Variants in RIC1 observed in about 807,000 individuals in gnomAD.
RIC1 encodes guanine nucleotide exchange factor subunit RIC1.
A neutral mutation model predicts 169.0 loss-of-function variants in RIC1; 88 were observed. That is an observed-to-expected ratio of 0.52 (90% CI 0.44 to 0.62). The LOEUF (loss-of-function observed/expected upper bound fraction) is 0.62. Among genes scored for constraint, RIC1 ranks in the 20% least tolerant of loss-of-function variants. The pLI is 0.00. For synonymous variants in RIC1, 790 were observed against 601.5 expected, an observed-to-expected ratio of 1.31 and a Z score of -4.59; for missense variants, 1,877 against 1,725.5, an observed-to-expected ratio of 1.09 and a Z score of -1.56.
At chr9:5,640,411 C>T (rs368683845) in intron 1 of RIC1, among the ~76,000 whole-genome samples, 21 of 152,152 alleles carry the variant, frequency 1.4e-4, no homozygotes, top group African/African-American at 4.1e-4. Flanking sequence ...TACACTTTAA[C>T]TTCATCCCTC....
At chr9:5,674,284 C>G (rs1236004843) in intron 2 of RIC1, among the ~76,000 whole-genome samples, 4 of 151,964 alleles carry the variant, frequency 2.6e-5, no homozygotes, top group Non-Finnish European at 4.4e-5. Flanking sequence ...AACAAAAATT[C>G]ATTTATGATC....
intron 17 of RIC1, among the ~76,000 whole-genome samples, chr9:5,761,786 A>C (rs956688160): frequency 6.6e-6 from 1 of 152,202 alleles, no homozygotes; most frequent in African/African-American, 2.4e-5. Flanking sequence ...TCAAAGTTTA[A>C]TGTGCATAAT....
At chr9:5,745,141 A>G (rs1449241141) in intron 10 of RIC1, among the ~76,000 whole-genome samples, 1 of 152,202 alleles carries the variant, frequency 6.6e-6, no homozygotes, top group Non-Finnish European at 1.5e-5. Flanking sequence ...CCGTCTCACT[A>G]AGTTGATATT....
intron 3 of RIC1, among the ~76,000 whole-genome samples, chr9:5,696,342 C>T (rs184400288): frequency 6.3e-4 from 96 of 152,180 alleles, no homozygotes; most frequent in Admixed American, 5.2e-3. Context: ...CACATCGAAC[C>T]CACAATTCCT....
In RIC1 at chr9:5,763,216, A is replaced by C; in HGVS notation, c.2189A>C (p.Lys730Thr). ...ACAACGTGTCGAGCAAATAAACAGA[A>C]ACGTCACCTTCTGGAGGCCCTCTGG... ...VWTTCRANKQ[K>T]RHLLEALWLS... Residue 730 changes from lysine (K) to threonine (T), a missense_variant, in exon 19 of 26, where the codon AAA (lysine) becomes ACA (threonine). Around this residue, in one of 3 missense-constraint regions of RIC1, gnomAD observed 1,104 missense variants for 992.0 expected, o/e 1.11. Transcript: ENST00000414202. The surrounding 1 kb of genome is among the most constrained non-coding windows in gnomAD (Gnocchi z 5.2). The C allele has an allele frequency of 6.2e-7, 1 of 1,614,088 alleles. No homozygotes were observed.
At position 5,747,478 on chromosome 9, in the gene RIC1, T is replaced by C. The variant is rs1178502129; in HGVS notation, c.1425T>C (p.Leu475=). The change falls in exon 12 of 26, where the codon CTT becomes CTC. Residue 475 remains leucine (L), a synonymous_variant. Transcript: ENST00000414202. The part of the protein sequence containing the change: ...GLESQGLSTL[L]GHRHWHVVQI... ...AGTCTCAGGGATTAAGCACTTTACT[T>C]GGACATCGGCATTGGCATGTTGTAC... The C allele has an allele frequency of 6.8e-6, 11 of 1,613,984 alleles. No homozygotes were observed. Among genetic ancestry groups the C allele is most frequent in the Non-Finnish European group, 9.3e-6 (11 of 1,179,928 alleles).
At chr9:5,650,932 A>G (rs1818767843) in intron 1 of RIC1, among the ~76,000 whole-genome samples, 2 of 152,132 alleles carry the variant, frequency 1.3e-5, no homozygotes, top group African/African-American at 4.8e-5. Flanking sequence ...GGGCTTTACT[A>G]ATGTGGAAAT....
At chr9:5,709,280 C>T (rs1320545624) in intron 3 of RIC1, among the ~76,000 whole-genome samples, 1 of 152,154 alleles carries the variant, frequency 6.6e-6, no homozygotes, top group Non-Finnish European at 1.5e-5. Context: ...TGTGTGTTCC[C>T]TTCCCTACTC....
intron 2 of RIC1, among the ~76,000 whole-genome samples, chr9:5,664,648 A>C (rs1321907603): frequency 6.6e-6 from 1 of 152,062 alleles, no homozygotes; most frequent in Non-Finnish European, 1.5e-5. Context: ...CTGAATTTGA[A>C]TGTTGGCCTG....
Position 5,753,541 on chromosome 9 carries a change from A to C in RIC1, c.1497A>C (p.Ser499=). The change falls in exon 14 of 26, where the codon TCA becomes TCC. Residue 499 remains serine (S), a synonymous_variant. Transcript: ENST00000414202. ...YLESNWPIRF[S]AIDKLGQNIA... ...TTATTTTTTTTTTTAAACAGTTTTC[A>C]GCTATTGATAAGCTTGGACAGAATA... 6.3e-7 allele frequency: 1 copy of C among 1,590,892 alleles called. No individual in the cohort carries two copies. The highest frequency in any genetic ancestry group is 2.2e-5 in the East Asian group (1 of 44,618).
In RIC1 at chr9:5,747,394, AAC is replaced by A; in HGVS notation, c.1346_1347del (p.His449LeufsTer2). The A allele has an allele frequency of 6.2e-7, 1 of 1,614,090 alleles. No individual in the cohort carries two copies. The highest frequency in any genetic ancestry group is 8.5e-7 in the Non-Finnish European group (1 of 1,179,936). On this transcript the variant is annotated frameshift_variant, in exon 12 of 26. Transcript: ENST00000414202. LOFTEE classifies it high-confidence loss of function. ...SQTQNPRSSS[T>X]HSEHKPSREK... The stretch of plus-strand genomic sequence containing the variant: ...AAACCCAGAATCCCAGGAGTTCTTC[AAC>A]ACACTCTGAGCATAAGCCCAGTCGA...
At chr9:5,672,004 G>A (rs1217364424) in intron 2 of RIC1, among the ~76,000 whole-genome samples, 2 of 152,196 alleles carry the variant, frequency 1.3e-5, no homozygotes, top group Non-Finnish European at 2.9e-5. Flanking sequence ...GTTAACTGCT[G>A]CGGACTTAGA....
rs1367706120 is a variant in RIC1 at position 5,745,933 on chromosome 9, C to G, written c.1098C>G (p.Ser366Arg). ...KKDPLKINSM[S>R]WGAEGYHLWV... The stretch of plus-strand genomic sequence containing the variant: ...TTCTCCCTCCTCTTCTCTCTAAGAG[C>G]TGGGGTGCAGAAGGCTATCACCTAT... Residue 366 changes from serine to arginine, a missense_variant and splice_region_variant, in exon 11 of 26, where the codon AGC (serine) becomes AGG (arginine). Transcript: ENST00000414202. The G allele has an allele frequency of 6.2e-7, 1 of 1,612,044 alleles. No individual in the cohort carries two copies. Among genetic ancestry groups the G allele is most frequent in the Non-Finnish European group, 8.5e-7 (1 of 1,178,554 alleles).
intron 1 of RIC1, among the ~76,000 whole-genome samples, chr9:5,652,990 G>C (rs757510677): frequency 6.6e-6 from 1 of 152,100 alleles, no homozygotes; most frequent in East Asian, 1.9e-4. Flanking sequence ...TTCTGTTAAT[G>C]TAATATATCA....
intron 1 of RIC1, among the ~76,000 whole-genome samples, chr9:5,641,015 G>T (rs911672648): frequency 2.0e-5 from 3 of 151,110 alleles, no homozygotes; most frequent in Non-Finnish European, 4.4e-5. Context: ...CTTTTCTCTT[G>T]CCGTTTTTAG....
chr9:5,687,444 T>C (rs1215185866), intron 2 of RIC1, among the ~76,000 whole-genome samples: 2 of 152,202 alleles, frequency 1.3e-5, no homozygotes, highest in African/African-American at 4.8e-5. Flanking sequence ...TGTCATTGAT[T>C]TGAGATTTTC....
At chr9:5,629,627 G>A (rs1156349445) in intron 1 of RIC1, among the ~76,000 whole-genome samples, 174 bp downstream of exon 1, 2 of 152,166 alleles carry the variant, frequency 1.3e-5, no homozygotes, top group African/African-American at 4.8e-5. Context: ...GCCGGCTGCA[G>A]GCACGTCCTC....
At chr9:5,644,412 G>C (rs1167866900) in intron 1 of RIC1, among the ~76,000 whole-genome samples, 1 of 152,154 alleles carries the variant, frequency 6.6e-6, no homozygotes, top group African/African-American at 2.4e-5. Context: ...TGTAAACTAA[G>C]GGATACAAGT....
chr9:5,679,339 A>G (rs1333020605), intron 2 of RIC1, among the ~76,000 whole-genome samples: 2 of 152,064 alleles, frequency 1.3e-5, no homozygotes, highest in Non-Finnish European at 2.9e-5. Flanking sequence ...TTTTGGTTCC[A>G]TATGAACTTT....
Sources: gnomAD v4.1 joint callset for allele counts (sites outside exome capture counted in the v4.1 genomes callset) on GRCh38, gnomAD v4.1.1 for gene constraint, gnomAD v4.1.1 regional missense constraint, Gnocchi (gnomAD v3.1) non-coding constraint, MANE v1.5 for transcripts, NCBI Gene and HGNC (gene_info 2026-07-23, HGNC 2026-07-21) for gene names.